CELF4: variants seen among roughly 807,000 people sequenced by gnomAD.
The protein encoded by CELF4 is CUGBP Elav-like family member 4.
CELF4 carries 18 observed loss-of-function variants against 59.9 expected under a neutral mutation model. That is an observed-to-expected ratio of 0.30 (90% CI 0.21 to 0.45). CELF4 has a LOEUF of 0.45. Among genes scored for constraint, CELF4 ranks in the 20% least tolerant of loss-of-function variants. The probability of loss-of-function intolerance (pLI) is 1.00; values close to 1 mark genes in which losing one functional copy is unlikely to be tolerated. For missense variants in CELF4, 456 were observed against 689.0 expected, an observed-to-expected ratio of 0.66 and a Z score of 3.79; for synonymous variants, 261 against 267.1, an observed-to-expected ratio of 0.98 and a Z score of 0.22.
At chr18:37,454,179 G>T (rs976168662) in intron 2 of CELF4, among the ~76,000 whole-genome samples, 6 of 152,164 alleles carry the variant, frequency 3.9e-5, no homozygotes, top group African/African-American at 1.2e-4. Flanking sequence ...TTGTGCACTG[G>T]GAAGCAGAAA....
At chr18:37,486,375 A>G (rs769533230) in intron 1 of CELF4, among the ~76,000 whole-genome samples, 1 of 151,130 alleles carries the variant, frequency 6.6e-6, no homozygotes, top group African/African-American at 2.4e-5. Flanking sequence ...TCTCCCACTG[A>G]TTAATTCTAA....
rs572521032 is a variant in CELF4, at chr18:37,475,924, G to A, written c.369+9601C>T. ...CCTCCCCACTCCATGGAGTCCTTTC[G>A]GGGCATCCCAGCTCTCTTCTGAAAT... On this transcript the variant is annotated intron_variant, in intron 2 of 12. Coordinates refer to ENST00000420428, the MANE Select transcript of CELF4 (RefSeq NM_020180.4). Among the ~76,000 whole-genome samples the A allele has an allele frequency of 1.3e-3, 198 of 152,172 alleles. 2 individuals carry two copies. The highest frequency in any genetic ancestry group is 2.5e-3 in the South Asian group (12 of 4,818).
intron 2 of CELF4, among the ~76,000 whole-genome samples, chr18:37,344,808 G>A (rs1030930460): frequency 6.6e-5 from 10 of 152,238 alleles, no homozygotes; most frequent in Admixed American, 3.9e-4. Context: ...CGGCTGCAAG[G>A]GGAGGGGACA....
intron 2 of CELF4, among the ~76,000 whole-genome samples, chr18:37,351,301 G>T (rs913451022): frequency 6.6e-6 from 1 of 152,144 alleles, no homozygotes; most frequent in Admixed American, 6.5e-5. Flanking sequence ...CAGCTGAATC[G>T]CTGCTAATGA....
chr18:37,311,661 C>A (rs142378291), intron 3 of CELF4, among the ~76,000 whole-genome samples: 32 of 151,652 alleles, frequency 2.1e-4, no homozygotes, highest in Non-Finnish European at 4.0e-4. Context: ...TGGTGGCACG[C>A]GCCTATAATC....
chr18:37,565,633 T>C lies in CELF4; in HGVS notation c.9A>G (p.Ile3Met). The C allele has an allele frequency of 6.3e-7, 1 of 1,588,640 alleles. No individual in the cohort carries two copies. Among genetic ancestry groups the C allele is most frequent in the Non-Finnish European group, 8.6e-7 (1 of 1,165,528 alleles). MY[I>M]KMATLANGQA... ...GTCCGTTTGCTAACGTGGCCATCTT[T>C]ATATACATAGAGAAAATCTTCTTTC... The change falls in exon 1 of 13, where the codon ATA becomes ATG. Residue 3 changes from isoleucine (I) to methionine (M), a missense_variant. Coordinates refer to ENST00000420428, the MANE Select transcript of CELF4 (RefSeq NM_020180.4).
At chr18:37,279,089 C>T (rs2093778722) in intron 3 of CELF4, among the ~76,000 whole-genome samples, 1 of 152,202 alleles carries the variant, frequency 6.6e-6, no homozygotes, top group African/African-American at 2.4e-5. Context: ...AGGCCCTGGC[C>T]ACTGCCCAGC....
chr18:37,464,485 C>T (rs1438198478), intron 2 of CELF4, among the ~76,000 whole-genome samples: 1 of 152,188 alleles, frequency 6.6e-6, no homozygotes, highest in Non-Finnish European at 1.5e-5. Context: ...CATGGTGGGA[C>T]ACTTGGACCA....
intron 2 of CELF4, among the ~76,000 whole-genome samples, chr18:37,443,959 C>A (rs775506536): frequency 1.3e-5 from 2 of 152,154 alleles, no homozygotes; most frequent in Non-Finnish European, 2.9e-5. Flanking sequence ...ATGGGCCTGA[C>A]GTGTATCTGT....
rs1330429757 is a variant in CELF4, at chr18:37,273,049, C to T, written c.916G>A (p.Gly306Ser). 1.9e-6 allele frequency: 3 copies of T among 1,612,362 alleles called. No individual in the cohort carries two copies. The change falls in exon 7 of 13, where the codon GGC (glycine) becomes AGC (serine). Residue 306 changes from glycine (G) to serine (S), a missense_variant. Transcript: ENST00000420428. ...MQQMAALNMN[G>S]LAAAPMTPTS... Reference sequence around the variant, plus strand: ...GGGGTCATAGGTGCGGCCGCCAGGCCATTCATGTTGAGGGCCGCCATCTGC... The same window carrying T: ...GGGGTCATAGGTGCGGCCGCCAGGCTATTCATGTTGAGGGCCGCCATCTGC...
chr18:37,486,917 C>T (rs2099882454), intron 1 of CELF4, among the ~76,000 whole-genome samples: 1 of 152,238 alleles, frequency 6.6e-6, no homozygotes. Context: ...CAAGTTCTAC[C>T]TACTCCAGGC....
intron 3 of CELF4, among the ~76,000 whole-genome samples, chr18:37,282,558 C>T (rs1399352038): frequency 6.6e-6 from 1 of 152,174 alleles, no homozygotes; most frequent in Non-Finnish European, 1.5e-5. Flanking sequence ...CTTTGCCAGC[C>T]CTTGTAGAGC....
intron 2 of CELF4, among the ~76,000 whole-genome samples, chr18:37,395,889 C>G (rs3928909): frequency 2.0e-5 from 3 of 152,196 alleles, no homozygotes; most frequent in African/African-American, 4.8e-5. Context: ...GCCCTCCCAG[C>G]CCCATCCAGC....
intron 2 of CELF4, among the ~76,000 whole-genome samples, chr18:37,477,299 C>A (rs1350674263): frequency 6.6e-6 from 1 of 152,206 alleles, no homozygotes; most frequent in Non-Finnish European, 1.5e-5. Flanking sequence ...CCGAGCGGGG[C>A]AGAGAATTTG....
intron 2 of CELF4, among the ~76,000 whole-genome samples, chr18:37,453,063 C>G (rs2099768661): frequency 1.3e-5 from 2 of 152,258 alleles, no homozygotes; most frequent in Non-Finnish European, 2.9e-5. Flanking sequence ...GCCTCAACTT[C>G]CTGAATATGC....
rs139380214 is a variant in CELF4, at chr18:37,387,606, G to T, written c.370-65725C>A. Reference sequence around the variant, plus strand: ...AAACCCAGAGTCTCGATGTAAAGTTGAGGACTCTGGTCTGGGGCTTTTTCT... The same window carrying T: ...AAACCCAGAGTCTCGATGTAAAGTTTAGGACTCTGGTCTGGGGCTTTTTCT... On this transcript the variant is annotated intron_variant, in intron 2 of 12. Coordinates refer to ENST00000420428, the MANE Select transcript of CELF4 (RefSeq NM_020180.4). Among the ~76,000 whole-genome samples the T allele has an allele frequency of 2.0e-5, 3 of 152,308 alleles. No individual in the cohort carries two copies. In the East Asian group the frequency reaches 5.8e-4, roughly 30 times the overall value.
At chr18:37,274,485 T>A in intron 5 of CELF4, 31 bp from the exon 6 acceptor site, 1 of 1,610,766 alleles carries the variant, frequency 6.2e-7, no homozygotes, top group Non-Finnish European at 8.5e-7. Flanking sequence ...GAGACCCACC[T>A]GCTCCAGAGC....
chr18:37,451,692 G>A (rs928889245), intron 2 of CELF4, among the ~76,000 whole-genome samples: 3 of 152,106 alleles, frequency 2.0e-5, no homozygotes, highest in African/African-American at 4.8e-5. Context: ...GAGGGCAGTC[G>A]TACTTAGCAC....
At chr18:37,436,582 C>T (rs1321713611) in intron 2 of CELF4, among the ~76,000 whole-genome samples, 3 of 152,192 alleles carry the variant, frequency 2.0e-5, no homozygotes, top group African/African-American at 7.2e-5. Flanking sequence ...CTTAGGGGGA[C>T]AGGTGGCCCC....
Sources: gnomAD v4.1 joint callset for allele counts (sites outside exome capture counted in the v4.1 genomes callset) on GRCh38, gnomAD v4.1.1 for gene constraint, MANE v1.5 for transcripts, NCBI Gene and HGNC (gene_info 2026-07-23, HGNC 2026-07-21) for gene names.